The following HECW1 variants were observed in gnomAD, a reference collection of about 807,000 sequenced individuals.
The protein encoded by HECW1 is HECT, C2 and WW domain containing E3 ubiquitin protein ligase 1.
A neutral mutation model predicts 182.3 loss-of-function variants in HECW1; 61 were observed. The ratio of observed to expected loss-of-function variants is 0.33; its 90% CI spans 0.27 to 0.41. The LOEUF (loss-of-function observed/expected upper bound fraction) is 0.41, where lower values mean the gene tolerates loss of function less well. Ranked by LOEUF, HECW1 falls within the 10% of genes least tolerant of loss-of-function variation. The pLI is 1.00. For synonymous variants in HECW1, 859 were observed against 832.6 expected, an observed-to-expected ratio of 1.03 and a Z score of -0.55; for missense variants, 1,739 against 2,108.9, an observed-to-expected ratio of 0.82 and a Z score of 3.44.
chr7:43,488,064 C>G (rs2078718025), intron 17 of HECW1, among the ~76,000 whole-genome samples: 1 of 152,008 alleles, frequency 6.6e-6, no homozygotes, highest in Non-Finnish European at 1.5e-5. Context: ...AATCCCAGCA[C>G]TTTGGGAGAC....
intron 2 of HECW1, among the ~76,000 whole-genome samples, chr7:43,240,216 T>C (rs1798752402): frequency 1.3e-5 from 2 of 152,034 alleles, no homozygotes; most frequent in Non-Finnish European, 2.9e-5. Flanking sequence ...TGGGCGCTTG[T>C]AGTCCTAGCT....
chr7:43,266,018 G>A (rs1045112364), intron 3 of HECW1, among the ~76,000 whole-genome samples: 1 of 152,102 alleles, frequency 6.6e-6, no homozygotes, highest in African/African-American at 2.4e-5. Flanking sequence ...TCACCAGCTC[G>A]GGAGCACCCC....
At chr7:43,458,676 C>G (rs910855480) in intron 13 of HECW1, among the ~76,000 whole-genome samples, 1 of 152,206 alleles carries the variant, frequency 6.6e-6, no homozygotes, top group Non-Finnish European at 1.5e-5. Flanking sequence ...TAACCTATTG[C>G]TTTGAAGCAT....
chr7:43,561,197 C>G (rs2082196760), intron 29 of HECW1, among the ~76,000 whole-genome samples: 1 of 152,214 alleles, frequency 6.6e-6, no homozygotes, highest in Admixed American at 6.5e-5. Context: ...ATGAAGCAAG[C>G]TAGAACCCCG....
At chr7:43,237,835 C>A (rs1338427772) in intron 2 of HECW1, among the ~76,000 whole-genome samples, 1 of 148,870 alleles carries the variant, frequency 6.7e-6, no homozygotes, top group Non-Finnish European at 1.5e-5. Flanking sequence ...CAGTCTTTCC[C>A]CCCCGCCGCC....
chr7:43,412,523 T>C (rs1008802184), intron 8 of HECW1, among the ~76,000 whole-genome samples: 15 of 151,090 alleles, frequency 9.9e-5, no homozygotes, highest in Non-Finnish European at 1.5e-4. Context: ...TACATATGTA[T>C]ACATGTGCCA....
chr7:43,319,434 GT>G (rs1445860324), intron 4 of HECW1, among the ~76,000 whole-genome samples: 12 of 148,358 alleles, frequency 8.1e-5, no homozygotes, highest in Admixed American at 7.4e-4. Flanking sequence ...AGGTTGCAAA[GT>G]GATGAGCAGA....
At chr7:43,362,787 A>G (rs1330514880) in intron 6 of HECW1, among the ~76,000 whole-genome samples, 1 of 152,226 alleles carries the variant, frequency 6.6e-6, no homozygotes, top group African/African-American at 2.4e-5. Context: ...AGTGAAGCCA[A>G]TTAGGGAAAA....
chr7:43,271,027 C>G (rs1802343357), intron 3 of HECW1, among the ~76,000 whole-genome samples: 1 of 152,138 alleles, frequency 6.6e-6, no homozygotes, highest in Non-Finnish European at 1.5e-5. Flanking sequence ...AACTTCACTT[C>G]TCTACAAATT....
intron 9 of HECW1, 93 bp downstream of exon 9, chr7:43,438,238 A>G: frequency 1.9e-6 from 2 of 1,028,902 alleles, no homozygotes; most frequent in Non-Finnish European, 1.4e-6. Flanking sequence ...ATAGTCTCAC[A>G]GAGAGTCAAA....
chr7:43,154,650 G>C (rs1237770891), intron 2 of HECW1, among the ~76,000 whole-genome samples: 1 of 152,100 alleles, frequency 6.6e-6, no homozygotes, highest in Non-Finnish European at 1.5e-5. Context: ...TTTGCCCCTA[G>C]CATCCTAAAG....
intron 3 of HECW1, among the ~76,000 whole-genome samples, chr7:43,258,248 C>T (rs957021010): frequency 2.0e-5 from 3 of 151,060 alleles, no homozygotes; most frequent in Non-Finnish European, 4.4e-5. Flanking sequence ...GAGGCTAAGG[C>T]ATGAGAATCG....
chr7:43,412,951 T>C (rs1329277971), intron 8 of HECW1, among the ~76,000 whole-genome samples: 1 of 148,842 alleles, frequency 6.7e-6, no homozygotes, highest in Non-Finnish European at 1.5e-5. Context: ...TGATTTATAC[T>C]CATTTGGGTA....
chr7:43,281,507 G>C (rs946609252), intron 3 of HECW1, among the ~76,000 whole-genome samples: 1 of 152,130 alleles, frequency 6.6e-6, no homozygotes, highest in Non-Finnish European at 1.5e-5. Flanking sequence ...AGCAAGGGGA[G>C]AGCTGGAGTT....
intron 12 of HECW1, among the ~76,000 whole-genome samples, chr7:43,453,131 C>T (rs1311677087): frequency 6.6e-6 from 1 of 152,140 alleles, no homozygotes; most frequent in East Asian, 1.9e-4. Context: ...TTGTCTGCCT[C>T]AGGTTTTGAA....
chr7:43,181,227 A>G (rs182612307), intron 2 of HECW1, among the ~76,000 whole-genome samples: 1 of 150,984 alleles, frequency 6.6e-6, no homozygotes, highest in Admixed American at 6.6e-5. Flanking sequence ...TATATACCAT[A>G]CTTTATCCAT....
At chr7:43,474,644 T>A (rs961658859) in intron 16 of HECW1, among the ~76,000 whole-genome samples, 1 of 152,186 alleles carries the variant, frequency 6.6e-6, no homozygotes, top group African/African-American at 2.4e-5. Context: ...AAATGTGTTT[T>A]ATATCCATCA....
At chr7:43,263,339 A>C (rs1161581855) in intron 3 of HECW1, among the ~76,000 whole-genome samples, 1 of 152,192 alleles carries the variant, frequency 6.6e-6, no homozygotes, top group Non-Finnish European at 1.5e-5. Context: ...TGGAATTGCT[A>C]AAATAATCTG....
intron 3 of HECW1, among the ~76,000 whole-genome samples, chr7:43,271,160 T>C (rs185763171): frequency 5.9e-5 from 9 of 152,292 alleles, no homozygotes; most frequent in Admixed American, 4.6e-4. Context: ...GAAGACTGAG[T>C]GGAAAACTTA....
Sources: gnomAD v4.1 joint callset for allele counts (sites outside exome capture counted in the v4.1 genomes callset) on GRCh38, gnomAD v4.1.1 for gene constraint, MANE v1.5 for transcripts, NCBI Gene and HGNC (gene_info 2026-07-23, HGNC 2026-07-21) for gene names.